SOX5: variants seen among roughly 807,000 people sequenced by gnomAD.
SOX5 encodes the protein transcription factor SOX-5.
In SOX5, 9 loss-of-function variants were observed where a neutral mutation model predicts 92.0. The observed-to-expected ratio is 0.10, with a 90% CI of 0.06 to 0.17. The LOEUF is 0.17. SOX5 is among the 10% of genes least tolerant of loss of function. The pLI, the probability that SOX5 is intolerant of heterozygous loss-of-function variation, is 1.00. For synonymous variants in SOX5, 344 were observed against 336.3 expected (o/e 1.02, Z -0.25); for missense variants, 642 against 944.5 (o/e 0.68, Z 4.20).
chr12:24,333,060 G>GA (rs948348774), intron 2 of SOX5, among the ~76,000 whole-genome samples: 1 of 151,732 alleles, frequency 6.6e-6, no homozygotes, highest in African/African-American at 2.4e-5. Context: ...GACAATATTA[G>GA]AAAAAACAAA....
At chr12:23,994,670 G>A (rs1950872660) in intron 4 of SOX5, among the ~76,000 whole-genome samples, 6 of 152,068 alleles carry the variant, frequency 3.9e-5, no homozygotes, top group Admixed American at 3.9e-4. Flanking sequence ...GGGCGTGGGA[G>A]GTGTGTGGGC....
At chr12:24,396,946 A>G (rs745802104) in intron 1 of SOX5, among the ~76,000 whole-genome samples, 9 of 152,232 alleles carry the variant, frequency 5.9e-5, no homozygotes, top group Admixed American at 1.3e-4. Flanking sequence ...CCATGATCCC[A>G]TAACAAACAT....
intron 2 of SOX5, among the ~76,000 whole-genome samples, chr12:24,328,744 A>G (rs1193117310): frequency 6.6e-6 from 1 of 152,224 alleles, no homozygotes; most frequent in African/African-American, 2.4e-5. Flanking sequence ...GGGAGATGCA[A>G]ACTACCTTTA....
chr12:24,503,462 T>G (rs1346990274), intron 1 of SOX5, among the ~76,000 whole-genome samples: 2 of 152,196 alleles, frequency 1.3e-5, no homozygotes, highest in Non-Finnish European at 2.9e-5. Context: ...AATCTCACTG[T>G]AGAACCGCCA....
intron 1 of SOX5, among the ~76,000 whole-genome samples, chr12:23,903,685 GAAT>G (rs1169532000): frequency 1.3e-5 from 2 of 152,182 alleles, no homozygotes; most frequent in African/African-American, 4.8e-5. Context: ...AATTCAAAGA[GAAT>G]AATACTTTCC....
rs2093846047 is a variant in SOX5, at chr12:23,742,809, T to C, written c.569-1770A>G. Among the ~76,000 whole-genome samples the C allele has an allele frequency of 2.6e-5, 4 of 152,100 alleles. No homozygotes were observed. In the South Asian group the frequency reaches 8.3e-4, roughly 31 times the overall value. ...GAGTTCGAGACCAGACTGGACAACA[T>C]AGCAAGACTCCATTTCTACAAAATT... On this transcript the variant is annotated intron_variant, in intron 4 of 14. Transcript: ENST00000451604.
chr12:24,362,965 CAATTCCTCAA>C (rs1289178694), intron 2 of SOX5, among the ~76,000 whole-genome samples: 1 of 151,520 alleles, frequency 6.6e-6, no homozygotes, highest in Non-Finnish European at 1.5e-5. Context: ...TTGCAAGACC[CAATTCCTCAA>C]ATTCATCATT....
rs376073354 is a variant in SOX5 at position 24,095,118 on chromosome 12, C to G, written c.-2+118225G>C. Among the ~76,000 whole-genome samples the G allele has an allele frequency of 4.4e-4, 36 of 82,720 alleles. No individual in the cohort carries two copies. The East Asian group carries it at 5.9e-3, about 13-fold the overall frequency. 54.3% of individuals were successfully genotyped at this position (82,720 alleles called of 152,430 possible). On this transcript the variant is annotated intron_variant, in intron 4 of 4. Coordinates refer to the SOX5 transcript ENST00000446891. The stretch of plus-strand genomic sequence containing the variant: ...ACACACACACACACACACACACACA[C>G]ACACACACACAGAGAGAGAGAGAGA...
intron 11 of SOX5, among the ~76,000 whole-genome samples, chr12:23,546,675 G>C (rs1041111772): frequency 1.3e-5 from 2 of 152,084 alleles, no homozygotes. Flanking sequence ...AGGGATATAT[G>C]CCGGGATCCT....
chr12:24,397,223 T>C lies in SOX5; in HGVS notation c.-250-28584A>G, dbSNP rs941606412. Among the ~76,000 whole-genome samples, 3 of 152,182 alleles carry C rather than the reference T, an allele frequency of 2.0e-5. No homozygotes were observed. In the East Asian group the frequency reaches 5.8e-4, roughly 29 times the overall value. The stretch of plus-strand genomic sequence containing the variant: ...TCTTCCTCCCTTTTTTTTTCTTTTT[T>C]GACAAGTCAAACCAGAAAAGGTGAT... On this transcript the variant is annotated intron_variant, in intron 1 of 4. Coordinates refer to the SOX5 transcript ENST00000446891.
At chr12:23,922,872 G>A (rs1479554658) in intron 1 of SOX5, among the ~76,000 whole-genome samples, 3 of 152,066 alleles carry the variant, frequency 2.0e-5, no homozygotes, top group Admixed American at 2.0e-4. Context: ...ATACTGAAAC[G>A]GGTAGAAAGA....
intron 4 of SOX5, among the ~76,000 whole-genome samples, chr12:23,980,192 T>C (rs1949442124): frequency 6.6e-6 from 1 of 152,150 alleles, no homozygotes. Flanking sequence ...TTTGTTTTAC[T>C]GGTGAAGCCC....
At chr12:24,112,253 C>G (rs1346856208) in intron 4 of SOX5, among the ~76,000 whole-genome samples, 1 of 152,164 alleles carries the variant, frequency 6.6e-6, no homozygotes, top group African/African-American at 2.4e-5. Flanking sequence ...AGCCCATATG[C>G]CAAATCCAGC....
At chr12:23,851,095 C>A (rs769085820) in intron 2 of SOX5, among the ~76,000 whole-genome samples, 6 of 151,420 alleles carry the variant, frequency 4.0e-5, no homozygotes, top group Admixed American at 6.6e-5. Context: ...AAAAAAAAAA[C>A]CTTATCAAGA....
intron 3 of SOX5, among the ~76,000 whole-genome samples, chr12:24,214,550 C>T (rs1234934569): frequency 1.3e-5 from 2 of 152,178 alleles, no homozygotes; most frequent in South Asian, 2.1e-4. Context: ...CATTATATGA[C>T]TTCAAGATGT....
chr12:23,639,085 C>T (rs1165547737), intron 8 of SOX5, among the ~76,000 whole-genome samples: 1 of 151,990 alleles, frequency 6.6e-6, no homozygotes, highest in African/African-American at 2.4e-5. Flanking sequence ...CATCTCAAAT[C>T]ATAGTTAAAG....
chr12:23,729,285 C>T (rs2093297494), intron 6 of SOX5, among the ~76,000 whole-genome samples: 1 of 152,126 alleles, frequency 6.6e-6, no homozygotes, highest in Non-Finnish European at 1.5e-5. Flanking sequence ...CTCAAGATCA[C>T]ACGGCAGATA....
intron 1 of SOX5, among the ~76,000 whole-genome samples, chr12:24,491,489 T>C (rs895890510): frequency 1.3e-5 from 2 of 152,026 alleles, no homozygotes; most frequent in Admixed American, 1.3e-4. Flanking sequence ...TCTCAACCTA[T>C]GTAAAATGAT....
Position 24,351,266 on chromosome 12 carries a change from C to T in SOX5, c.-174+17297G>A, listed in dbSNP as rs982910540. On this transcript the variant is annotated intron_variant, in intron 2 of 4. Transcript: ENST00000446891. ...ACTATATAAACTTGCTCAGCAGTCA[C>T]GATTCTGTACTTTATCATCTGTACC... Among the ~76,000 whole-genome samples the T allele has an allele frequency of 1.4e-4, 21 of 152,152 alleles. 1 individual carries two copies. Among genetic ancestry groups the T allele is most frequent in the Admixed American group, 6.5e-4 (10 of 15,272 alleles).
Sources: allele counts gnomAD v4.1 joint callset (sites outside exome capture counted in the v4.1 genomes callset), GRCh38; gene constraint gnomAD v4.1.1; transcripts MANE v1.5; gene names NCBI Gene and HGNC (gene_info 2026-07-23, HGNC 2026-07-21).